HEATR5B: variants seen among roughly 807,000 people sequenced by gnomAD.
HEATR5B encodes the protein HEAT repeat containing 5B.
A neutral mutation model predicts 224.1 loss-of-function variants in HEATR5B; 156 were observed. The observed-to-expected ratio is 0.70, with a 90% CI of 0.61 to 0.80. The LOEUF is 0.80. HEATR5B is among the 30% of genes least tolerant of loss of function. The probability of loss-of-function intolerance (pLI) is 0.00; values close to 1 mark genes in which losing one functional copy is unlikely to be tolerated. For synonymous variants in HEATR5B, 1,027 were observed against 893.0 expected (o/e 1.15, Z -2.68); for missense variants, 2,323 against 2,535.5 (o/e 0.92, Z 1.80).
At chr2:37,011,555 G>A (rs1667788617) in intron 27 of HEATR5B, among the ~76,000 whole-genome samples, 1 of 152,020 alleles carries the variant, frequency 6.6e-6, no homozygotes, top group African/African-American at 2.4e-5. Flanking sequence ...TTCTATCTTT[G>A]TAAGTTATAA....
At chr2:37,013,086 G>C (rs1021291568) in intron 27 of HEATR5B, among the ~76,000 whole-genome samples, 2 of 152,204 alleles carry the variant, frequency 1.3e-5, no homozygotes, top group African/African-American at 4.8e-5. Context: ...TGGGAAGTAA[G>C]GGAATGAGAA....
intron 17 of HEATR5B, among the ~76,000 whole-genome samples, chr2:37,050,373 G>C (rs1670461714): frequency 6.6e-6 from 1 of 152,110 alleles, no homozygotes; most frequent in Admixed American, 6.6e-5. Context: ...CACAGCCATA[G>C]TCTGACTGGC....
chr2:36,995,658 C>G (rs13416820), intron 33 of HEATR5B, among the ~76,000 whole-genome samples: 24,246 of 152,088 alleles, frequency 0.16, 2,135 homozygotes, highest in African/African-American at 0.18. Context: ...AATTAAATTA[C>G]TATGTTTTGG....
At chr2:37,032,884 GTT>G (rs5830450) in intron 21 of HEATR5B, 111 bp from the exon 22 acceptor site, 488 of 699,470 alleles carry the variant, frequency 7.0e-4, no homozygotes, top group South Asian at 8.8e-4. Context: ...GTTTTGTTTT[GTT>G]TTTTTTTTTT....
chr2:37,005,981 G>C (rs1667390554), intron 29 of HEATR5B, among the ~76,000 whole-genome samples: 1 of 152,188 alleles, frequency 6.6e-6, no homozygotes, highest in African/African-American at 2.4e-5. Flanking sequence ...ATGTGTGAAA[G>C]AAGGAATTCC....
At chr2:37,036,913 T>C (rs970954253) in intron 21 of HEATR5B, among the ~76,000 whole-genome samples, 2 of 151,906 alleles carry the variant, frequency 1.3e-5, no homozygotes, top group African/African-American at 4.8e-5. Context: ...TATTTGTAAA[T>C]AATATTTTTC....
chr2:37,016,934 G>A (rs1668152509), intron 26 of HEATR5B, among the ~76,000 whole-genome samples: 1 of 151,984 alleles, frequency 6.6e-6, no homozygotes, highest in African/African-American at 2.4e-5. Context: ...TAAATTTAAA[G>A]TGAAAAGAAA....
At chr2:37,042,502 G>A (rs1390255176) in intron 18 of HEATR5B, among the ~76,000 whole-genome samples, 2 of 152,236 alleles carry the variant, frequency 1.3e-5, no homozygotes, top group Non-Finnish European at 2.9e-5. Context: ...AAGCTTGGGT[G>A]GAAGAATGGT....
chr2:37,031,404 C>G (rs1023995385), intron 22 of HEATR5B, among the ~76,000 whole-genome samples: 1 of 147,876 alleles, frequency 6.8e-6, no homozygotes, highest in African/African-American at 2.5e-5. Flanking sequence ...TTTTCCCTAT[C>G]TTAGCTGTTT....
At chr2:37,054,190 CTGTTTTTTTTTT>C (rs1670742730) in intron 16 of HEATR5B, among the ~76,000 whole-genome samples, 1 of 93,742 alleles carries the variant, frequency 1.1e-5, no homozygotes, top group African/African-American at 4.6e-5. Flanking sequence ...GATGATTTCT[CTGTTTTTTTTTT>C]TTTTTTTTTG....
chr2:37,068,999 C>T, intron 7 of HEATR5B, 69 bp from the exon 8 acceptor site: 1 of 1,458,086 alleles, frequency 6.9e-7, no homozygotes, highest in Non-Finnish European at 9.3e-7. Flanking sequence ...GATAAAGCAA[C>T]TACTAAAATA....
chr2:37,068,736 CTG>C lies in HEATR5B; in HGVS notation c.1120_1121del (p.Gln374AspfsTer24). ...TVGSLLGEKA[Q>X]IAAAKEICQA... Reference sequence around the variant, plus strand: ...GGCAGATTTCTTTGGCAGCTGCAATCTGGGCTTTTTCACCTAGCAAACTGCCC... The same window carrying C: ...GGCAGATTTCTTTGGCAGCTGCAATCGGCTTTTTCACCTAGCAAACTGCCC... On this transcript the variant is annotated frameshift_variant, in exon 8 of 36. Coordinates refer to ENST00000233099, the MANE Select transcript of HEATR5B (RefSeq NM_019024.3). LOFTEE classifies it high-confidence loss of function. The C allele has an allele frequency of 6.2e-7, 1 of 1,614,160 alleles. No homozygotes were observed. The highest frequency in any genetic ancestry group is 8.5e-7 in the Non-Finnish European group (1 of 1,180,026).
At chr2:37,000,185 C>A (rs1666999003) in intron 33 of HEATR5B, among the ~76,000 whole-genome samples, 1 of 151,934 alleles carries the variant, frequency 6.6e-6, no homozygotes, top group Non-Finnish European at 1.5e-5. Context: ...TCAAGCAATT[C>A]TCCTGCCTCA....
chr2:37,069,272 A>T (rs1196236015), intron 7 of HEATR5B, among the ~76,000 whole-genome samples: 1 of 152,208 alleles, frequency 6.6e-6, no homozygotes, highest in African/African-American at 2.4e-5. Flanking sequence ...ACTGACTTAG[A>T]GCTATAAAAC....
chr2:37,009,214 C>T (rs567266764), intron 27 of HEATR5B, among the ~76,000 whole-genome samples: 5 of 141,068 alleles, frequency 3.5e-5, no homozygotes, highest in Admixed American at 7.5e-5. Context: ...GCCGAGATCG[C>T]GCTGCTGCAC....
chr2:36,984,382 A>T (rs1665810228), intron 35 of HEATR5B, among the ~76,000 whole-genome samples: 2 of 151,566 alleles, frequency 1.3e-5, no homozygotes, highest in Non-Finnish European at 2.9e-5. Context: ...TAGAACAATT[A>T]GAGTACTAAG....
intron 2 of HEATR5B, among the ~76,000 whole-genome samples, chr2:37,079,976 T>A (rs180884196): frequency 2.6e-5 from 4 of 152,266 alleles, no homozygotes; most frequent in African/African-American, 9.6e-5. Context: ...TATGGGTGGT[T>A]ACTGTTTTAC....
chr2:37,006,472 C>T (rs551709792), intron 29 of HEATR5B, among the ~76,000 whole-genome samples: 135 of 152,170 alleles, frequency 8.9e-4, no homozygotes, highest in African/African-American at 3.2e-3. Flanking sequence ...AGAAACCCCA[C>T]CTCTACTAAA....
rs779394436 is a variant in HEATR5B at position 37,028,887 on chromosome 2, C to T, written c.3395G>A (p.Arg1132Gln). ...TTGGTGCCGGCAATGGATATCAGTT[C>T]GAGAACTAACCCCAGGGGCAAAAGG... ...VSPFAPGVSS[R>Q]TDIHCRHQGV... The change falls in exon 23 of 36, where the codon CGA becomes CAA. Residue 1132 changes from arginine to glutamine, a missense_variant. Coordinates refer to ENST00000233099, the MANE Select transcript of HEATR5B (RefSeq NM_019024.3). The T allele has an allele frequency of 6.6e-5, 107 of 1,613,772 alleles. 2 individuals are homozygous for T. The South Asian group carries it at 9.1e-4, about 14-fold the overall frequency.
Sources: allele counts gnomAD v4.1 joint callset (sites outside exome capture counted in the v4.1 genomes callset), GRCh38; gene constraint gnomAD v4.1.1; transcripts MANE v1.5; gene names NCBI Gene and HGNC (gene_info 2026-07-23, HGNC 2026-07-21).